SLC2A2: variants seen among roughly 807,000 people sequenced by gnomAD.
SLC2A2 encodes solute carrier family 2, facilitated glucose transporter member 2.
SLC2A2 carries 36 observed loss-of-function variants against 54.5 expected under a neutral mutation model. The ratio of observed to expected loss-of-function variants is 0.66; its 90% CI spans 0.51 to 0.87. The LOEUF (loss-of-function observed/expected upper bound fraction) is 0.87. SLC2A2 is among the 40% of genes least tolerant of loss of function. The pLI is 0.00. For synonymous variants in SLC2A2, 223 were observed against 219.1 expected, an observed-to-expected ratio of 1.02 and a Z score of -0.16; for missense variants, 543 against 624.3, an observed-to-expected ratio of 0.87 and a Z score of 1.39.
intron 4 of SLC2A2, among the ~76,000 whole-genome samples, chr3:171,008,867 G>T (rs1715741447): frequency 6.6e-6 from 1 of 151,910 alleles, no homozygotes; most frequent in South Asian, 2.1e-4. Context: ...CTGATCTTCA[G>T]TTATTTTTAT....
intron 3 of SLC2A2, among the ~76,000 whole-genome samples, chr3:171,010,715 A>G (rs1204373123): frequency 6.6e-6 from 1 of 152,102 alleles, no homozygotes; most frequent in African/African-American, 2.4e-5. Context: ...AGCCTTATCT[A>G]GAGAATTATA....
intron 1 of SLC2A2, among the ~76,000 whole-genome samples, chr3:171,022,186 G>T (rs1370592117): frequency 6.6e-6 from 1 of 152,170 alleles, no homozygotes; most frequent in South Asian, 2.1e-4. Flanking sequence ...CTCACAGTTA[G>T]TAAATTAAAG....
In SLC2A2 at chr3:171,006,075, A is replaced by C; in HGVS notation, c.643T>G (p.Tyr215Asp). ...CCAAGCAGGATGTGCCACAGATCAT[A>C]ATTGCCCAAGATAAATTCAAGACCA... is the stretch of plus-strand genomic sequence containing the variant. ...IIGLEFILGN[Y>D]DLWHILLGLS... is the part of the protein sequence containing the mutation. The change falls in exon 6 of 11, where the codon TAT becomes GAT. Residue 215 changes from tyrosine to aspartate, a missense_variant. Physicochemically the swap from Tyr to Asp is radical, Grantham distance 160. This residue lies in a region of SLC2A2 where 318 missense variants were observed against 343.8 expected (regional missense o/e 0.93). Transcript: ENST00000314251. The C allele has an allele frequency of 6.2e-7, 1 of 1,612,552 alleles. No homozygotes were observed. The highest frequency in any genetic ancestry group is 2.2e-5 in the East Asian group (1 of 44,798).
rs1715079249 is a variant in SLC2A2 at position 170,996,467 on chromosome 3, A to G, written c.*1436T>C. 1 of 395,384 alleles carries G rather than the reference A, an allele frequency of 2.5e-6. No homozygotes were observed. The highest frequency in any genetic ancestry group is 2.1e-5 in the African/African-American group (1 of 48,660). 24.5% of individuals were successfully genotyped at this position (395,384 alleles called of 1,614,324 possible). ...TTCACTCTTAAAGAGTACTTTTTAA[A>G]AAGTGCTTTTCTTCAATACACATTA... On this transcript the variant is annotated 3_prime_UTR_variant, in exon 11 of 11. Coordinates refer to ENST00000314251, the MANE Select transcript of SLC2A2 (RefSeq NM_000340.2).
intron 8 of SLC2A2, among the ~76,000 whole-genome samples, chr3:170,999,436 C>A (rs1173529031): frequency 6.6e-6 from 1 of 152,050 alleles, no homozygotes; most frequent in African/African-American, 2.4e-5. Flanking sequence ...GAGATAGAAC[C>A]ATAATGTTAC....
chr3:171,006,047 AG>A lies in SLC2A2; in HGVS notation c.670del (p.Leu224CysfsTer27). 1 of 1,612,718 alleles carries A rather than the reference AG, an allele frequency of 6.2e-7. No homozygotes were observed. Among genetic ancestry groups the A allele is most frequent in the Non-Finnish European group, 8.5e-7 (1 of 1,179,106 alleles). ...NYDLWHILLG[L>X]SGVRAILQSL... ...CTGAAGGATGGCTCGCACACCAGACAGGCCAAGCAGGATGTGCCACAGATCA... is the reference window on the plus strand; with the variant it reads ...CTGAAGGATGGCTCGCACACCAGACAGCCAAGCAGGATGTGCCACAGATCA... On this transcript the variant is annotated frameshift_variant, in exon 6 of 11. Transcript: ENST00000314251. LOFTEE classifies it high-confidence loss of function.
intron 5 of SLC2A2, 77 bp from the exon 6 acceptor site, chr3:171,006,182 A>T: frequency 7.2e-7 from 1 of 1,392,888 alleles, no homozygotes; most frequent in Non-Finnish European, 1.0e-6. Flanking sequence ...TTGAAAAAGT[A>T]CTTTGGCTAT....
intron 1 of SLC2A2, among the ~76,000 whole-genome samples, chr3:171,023,145 G>A (rs1716538521): frequency 6.6e-6 from 1 of 152,096 alleles, no homozygotes; most frequent in African/African-American, 2.4e-5. Flanking sequence ...GGTTGACTGT[G>A]GTCCTGCCAC....
chr3:171,007,840 C>G (rs563614833), intron 4 of SLC2A2, among the ~76,000 whole-genome samples: 1 of 152,154 alleles, frequency 6.6e-6, no homozygotes, highest in Non-Finnish European at 1.5e-5. Flanking sequence ...ATCTTAAGGA[C>G]TCTTCCCCAG....
intron 4 of SLC2A2, among the ~76,000 whole-genome samples, chr3:171,009,617 A>G (rs1180474501): frequency 1.3e-5 from 2 of 152,072 alleles, no homozygotes; most frequent in African/African-American, 4.8e-5. Flanking sequence ...AACGTTTTAC[A>G]TATGTTCTCA....
Position 170,996,748 on chromosome 3 carries a change from AC to A in SLC2A2, c.*1154del. 1 of 397,192 alleles carries A rather than the reference AC, an allele frequency of 2.5e-6. No individual in the cohort carries two copies. Among genetic ancestry groups the A allele is most frequent in the Non-Finnish European group, 4.4e-6 (1 of 225,062 alleles). 24.6% of individuals were successfully genotyped at this position (397,192 alleles called of 1,614,324 possible). Reference sequence around the variant, plus strand: ...TGGCTAGAATCTGTATACAGCTAAGACAAAGAAGGAAATGTCAAAGGAGACG... The same window carrying A: ...TGGCTAGAATCTGTATACAGCTAAGAAAAGAAGGAAATGTCAAAGGAGACG... On this transcript the variant is annotated 3_prime_UTR_variant, in exon 11 of 11. Transcript: ENST00000314251.
chr3:171,005,564 C>T, intron 6 of SLC2A2, 92 bp from the exon 7 acceptor site: 1 of 1,013,458 alleles, frequency 9.9e-7, no homozygotes, highest in Non-Finnish European at 1.5e-6. Flanking sequence ...TTTCTGCATG[C>T]CCCATTGTAT....
At chr3:170,998,810 G>A (rs758648582) in intron 9 of SLC2A2, among the ~76,000 whole-genome samples, 4 of 152,148 alleles carry the variant, frequency 2.6e-5, no homozygotes, top group Non-Finnish European at 5.9e-5. Context: ...TGAATCCAGA[G>A]CCTATGCTCT....
At position 171,026,528 on chromosome 3, in the gene SLC2A2, G is replaced by C. The variant is rs968549534; in HGVS notation, c.15+128C>G. On this transcript the variant is annotated intron_variant, in intron 1 of 10. Coordinates refer to ENST00000314251, the MANE Select transcript of SLC2A2 (RefSeq NM_000340.2). ...AAGAAACAGTTCTTCAATTGGCAAA[G>C]TAAAGAGAATTAATTTTGATCTGTG... 4 of 823,360 alleles carry C rather than the reference G, an allele frequency of 4.9e-6. No individual in the cohort carries two copies. In the Admixed American group the frequency reaches 6.9e-5, roughly 14 times the overall value. 51.0% of individuals were successfully genotyped at this position (823,360 alleles called of 1,614,324 possible).
rs1225325931 is a variant in SLC2A2 at position 170,996,697 on chromosome 3, G to A, written c.*1206C>T. 20 of 397,626 alleles carry A rather than the reference G, an allele frequency of 5.0e-5. No homozygotes were observed. The highest frequency in any genetic ancestry group is 1.6e-4 in the African/African-American group (8 of 48,576). The allele number at this position is 397,626 out of a possible 1,614,324, so 24.6% of individuals were successfully genotyped here. A position where few individuals can be genotyped will look rare whatever the true frequency, so the allele number is the denominator to read the frequency against. On this transcript the variant is annotated 3_prime_UTR_variant, in exon 11 of 11. Transcript: ENST00000314251. The stretch of plus-strand genomic sequence containing the variant: ...AAGGCAGATAGATAGTGTACAATGC[G>A]TGTTAGTAATGGCCATAGAATAGTT...
Position 170,997,242 on chromosome 3 carries a change from A to C in SLC2A2, c.*661T>G, listed in dbSNP as rs1715120474. 6.6e-6 allele frequency: 1 copy of C among 152,330 alleles called. No homozygotes were observed. The highest frequency in any genetic ancestry group is 2.4e-5 in the African/African-American group (1 of 41,466). The allele number at this position is 152,330 out of a possible 1,614,324, so 9.4% of individuals were successfully genotyped here. A position where few individuals can be genotyped will look rare whatever the true frequency, so the allele number is the denominator to read the frequency against. ...TGCAAAAACCATTTGGCCATTAAAT[A>C]AAGGAACTAAAATGGTTTTCTTTTC... On this transcript the variant is annotated 3_prime_UTR_variant, in exon 11 of 11. Transcript: ENST00000314251.
intron 4 of SLC2A2, among the ~76,000 whole-genome samples, chr3:171,008,199 G>A (rs1026716783): frequency 2.0e-5 from 3 of 152,068 alleles, no homozygotes; most frequent in Non-Finnish European, 1.5e-5. Context: ...TGTAAAAGAT[G>A]CTTTGACAAT....
chr3:171,005,806 A>T (rs899058296), intron 6 of SLC2A2, 137 bp downstream of exon 6: 13 of 842,108 alleles, frequency 1.5e-5, no homozygotes, highest in Non-Finnish European at 2.5e-5. Flanking sequence ...GTGCCAAATG[A>T]CATGCACCAG....
chr3:171,004,008 T>G (rs1188660269), intron 7 of SLC2A2, among the ~76,000 whole-genome samples: 1 of 152,086 alleles, frequency 6.6e-6, no homozygotes, highest in Non-Finnish European at 1.5e-5. Context: ...TTTATATATT[T>G]ATGTCTTTTA....
Sources: allele counts gnomAD v4.1 joint callset (sites outside exome capture counted in the v4.1 genomes callset), GRCh38; gene constraint gnomAD v4.1.1; regional missense constraint gnomAD v4.1.1; transcripts MANE v1.5; gene names NCBI Gene and HGNC (gene_info 2026-07-23, HGNC 2026-07-21).